ABCG2: variants seen among roughly 807,000 people sequenced by gnomAD.
ABCG2 encodes ATP binding cassette subfamily G member 2 (JR blood group), also known as broad substrate specificity ATP-binding cassette transporter ABCG2.
A neutral mutation model predicts 73.5 loss-of-function variants in ABCG2; 80 were observed. That is an observed-to-expected ratio of 1.09 (90% CI 0.91 to 1.31). The LOEUF is 1.31. ABCG2 is among the 50% of genes most tolerant of loss of function. The probability of loss-of-function intolerance (pLI) is 0.00; values close to 1 mark genes in which losing one functional copy is unlikely to be tolerated. For missense variants in ABCG2, 796 were observed against 786.2 expected (o/e 1.01, Z -0.15); for synonymous variants, 269 against 282.4 (o/e 0.95, Z 0.48).
intron 1 of ABCG2, among the ~76,000 whole-genome samples, chr4:88,195,573 C>T (rs1256721860): frequency 6.6e-6 from 1 of 152,116 alleles, no homozygotes; most frequent in East Asian, 1.9e-4. Context: ...AGTGAGAGAG[C>T]AAGACAACTT....
intron 1 of ABCG2, among the ~76,000 whole-genome samples, chr4:88,146,894 AGAAAGAAG>A (rs1294338407): frequency 2.9e-5 from 2 of 67,938 alleles, no homozygotes; most frequent in African/African-American, 6.3e-5. Flanking sequence ...AAGAAAAAGG[AGAAAGAAG>A]GAAGGAAGGA....
At chr4:88,161,161 T>G (rs1315146856), upstream of ABCG2, among the ~76,000 whole-genome samples, 1 of 97,478 alleles carries the variant, frequency 1.0e-5, no homozygotes, top group Non-Finnish European at 2.5e-5. Context: ...AAACAATTTT[T>G]TTTTTTAATT....
intron 11 of ABCG2, among the ~76,000 whole-genome samples, chr4:88,100,437 A>G (rs1040581745): frequency 2.6e-5 from 4 of 151,222 alleles, no homozygotes; most frequent in Non-Finnish European, 4.4e-5. Flanking sequence ...CGGGAGGTAG[A>G]GATTGCAGTG....
In ABCG2 at chr4:88,172,319, T is replaced by G. The variant is rs537059270; in HGVS notation, c.-19-32305A>C. 3.8e-4 allele frequency among the ~76,000 whole-genome samples: 53 copies of G among 140,404 alleles called. No homozygotes were observed. In the East Asian group the frequency reaches 0.011, roughly 28 times the overall value. 92.1% of individuals were successfully genotyped at this position (140,404 alleles called of 152,430 possible). A position where few individuals can be genotyped will look rare whatever the true frequency, so the allele number is the denominator to read the frequency against. On this transcript the variant is annotated intron_variant, in intron 1 of 15. Transcript: ENST00000515655. The stretch of plus-strand genomic sequence containing the variant: ...CAAAAAAAAAAAAAATTGCTGGGCC[T>G]AGTGGCTCATGCCTATAATCCCAGC...
chr4:88,192,734 C>T (rs932132711), intron 1 of ABCG2, among the ~76,000 whole-genome samples: 15 of 128,596 alleles, frequency 1.2e-4, no homozygotes, highest in Non-Finnish European at 1.9e-4. Context: ...TTTTTTTAAA[C>T]GGAGTCTTGC....
intron 1 of ABCG2, among the ~76,000 whole-genome samples, chr4:88,197,836 A>AGCCTG (rs1338810647): frequency 2.0e-5 from 3 of 151,972 alleles, no homozygotes; most frequent in Non-Finnish European, 2.9e-5. Flanking sequence ...GTTCAAGACC[A>AGCCTG]GCCTGGCCAG....
intron 1 of ABCG2, among the ~76,000 whole-genome samples, chr4:88,181,574 T>C (rs1226475508): frequency 7.9e-5 from 12 of 151,692 alleles, no homozygotes; most frequent in Admixed American, 2.0e-4. Context: ...CTACAAAAAA[T>C]AAAAGAAATA....
chr4:88,099,270 T>C, intron 12 of ABCG2, 54 bp downstream of exon 12: 1 of 1,468,612 alleles, frequency 6.8e-7, no homozygotes. Context: ...GCAACTGACT[T>C]CACCCATAGG....
intron 1 of ABCG2, among the ~76,000 whole-genome samples, chr4:88,186,504 G>A (rs916936091): frequency 9.2e-5 from 14 of 152,098 alleles, no homozygotes; most frequent in Non-Finnish European, 1.6e-4. Flanking sequence ...AAGCATGGTC[G>A]GTGGCTCATG....
chr4:88,198,766 C>T (rs1271831769), intron 1 of ABCG2, among the ~76,000 whole-genome samples: 1 of 151,992 alleles, frequency 6.6e-6, no homozygotes, highest in Admixed American at 6.6e-5. Context: ...CATTCATGAG[C>T]TTACGGGTTG....
At chr4:88,147,946 T>G (rs1726167663) in intron 1 of ABCG2, among the ~76,000 whole-genome samples, 2 of 152,234 alleles carry the variant, frequency 1.3e-5, no homozygotes, top group African/African-American at 4.8e-5. Flanking sequence ...CAGGACATAC[T>G]TCCAGCCAGG....
At chr4:88,212,326 A>C (rs181308353) in intron 1 of ABCG2, among the ~76,000 whole-genome samples, 1 of 152,234 alleles carries the variant, frequency 6.6e-6, no homozygotes, top group African/African-American at 2.4e-5. Flanking sequence ...GGTTGCTGCC[A>C]TCTTCAGATT....
intron 1 of ABCG2, among the ~76,000 whole-genome samples, chr4:88,168,890 A>G (rs1201391069): frequency 1.3e-5 from 2 of 152,098 alleles, no homozygotes; most frequent in African/African-American, 4.8e-5. Flanking sequence ...TGTATTAGCA[A>G]TGCCACAGAA....
chr4:88,198,028 C>CAAAAA (rs34030026), intron 1 of ABCG2, among the ~76,000 whole-genome samples: 1 of 115,638 alleles, frequency 8.6e-6, no homozygotes, highest in Non-Finnish European at 1.8e-5. Context: ...AGACTGTCTC[C>CAAAAA]AAAAAAAAAA....
At chr4:88,223,045 G>T (rs893052744) in intron 1 of ABCG2, among the ~76,000 whole-genome samples, 1 of 152,218 alleles carries the variant, frequency 6.6e-6, no homozygotes, top group African/African-American at 2.4e-5. Flanking sequence ...CTTCATTGTG[G>T]CCAATTTGTC....
rs750568956 is a variant in ABCG2 at position 88,101,303 on chromosome 4, A to G, written c.1294T>C (p.Phe432Leu). 2.5e-5 allele frequency: 41 copies of G among 1,614,088 alleles called. No individual in the cohort carries two copies. Among genetic ancestry groups the G allele is most frequent in the Admixed American group, 8.3e-5 (5 of 59,994 alleles). ...GIQNRAGVLF[F>L]LTTNQCFSSV... ...CTGAAACACTGGTTGGTCGTCAGGA[A>G]GAAGAGAACCCCAGCTCTGCCATGA... The change falls in exon 11 of 16, where the codon TTC becomes CTC. Residue 432 changes from phenylalanine (F) to leucine (L), a missense_variant. Transcript: ENST00000237612.
chr4:88,131,932 A>G lies in ABCG2; in HGVS notation c.264-15T>C, dbSNP rs1176380347. ...CATCTAATAACCTATAAGAGGACAT[A>G]TATGTTGTGGGTCTAATAACCTATA... On this transcript the variant is annotated splice_polypyrimidine_tract_variant and intron_variant, in intron 3 of 15. Transcript: ENST00000237612. 7.5e-6 allele frequency: 12 copies of G among 1,595,794 alleles called. No individual in the cohort carries two copies. The highest frequency in any genetic ancestry group is 1.7e-5 in the Admixed American group (1 of 59,850).
At chr4:88,219,747 A>T (rs1475236245) in intron 1 of ABCG2, among the ~76,000 whole-genome samples, 8 of 135,068 alleles carry the variant, frequency 5.9e-5, no homozygotes, top group East Asian at 4.3e-4. Flanking sequence ...ACGCCTGGCT[A>T]TTTTTTTTTT....
At chr4:88,157,462 C>T (rs1727023252) in intron 1 of ABCG2, among the ~76,000 whole-genome samples, 1 of 152,030 alleles carries the variant, frequency 6.6e-6, no homozygotes, top group African/African-American at 2.4e-5. Flanking sequence ...AGTAGCATGC[C>T]CATGTTATTA....
Sources: allele counts gnomAD v4.1 joint callset (sites outside exome capture counted in the v4.1 genomes callset), GRCh38; gene constraint gnomAD v4.1.1; transcripts MANE v1.5; gene names NCBI Gene and HGNC (gene_info 2026-07-23, HGNC 2026-07-21).